Variants in GRM3 observed in about 807,000 individuals in gnomAD.
GRM3 encodes glutamate metabotropic receptor 3, also known as metabotropic glutamate receptor 3.
Under a neutral mutation model 70.5 loss-of-function variants are expected in GRM3, and 26 were observed. The observed-to-expected ratio is 0.37, with a 90% CI of 0.27 to 0.51. GRM3 has a LOEUF of 0.51. Ranked by LOEUF, GRM3 falls within the 20% of genes least tolerant of loss-of-function variation. The pLI is 0.93. For synonymous variants in GRM3, 443 were observed against 434.9 expected, an observed-to-expected ratio of 1.02 and a Z score of -0.23; for missense variants, 859 against 1,123.8, an observed-to-expected ratio of 0.76 and a Z score of 3.37.
intron 3 of GRM3, among the ~76,000 whole-genome samples, chr7:86,825,399 G>A (rs1798211758): frequency 6.6e-6 from 1 of 152,204 alleles, no homozygotes; most frequent in Non-Finnish European, 1.5e-5. Context: ...GATTTGACAA[G>A]TTCACTTGAA....
intron 3 of GRM3, among the ~76,000 whole-genome samples, chr7:86,802,516 C>T (rs894107363): frequency 6.6e-6 from 1 of 151,962 alleles, no homozygotes; most frequent in Non-Finnish European, 1.5e-5. Flanking sequence ...ACATACTTCA[C>T]TCCTTCCTCT....
intron 1 of GRM3, among the ~76,000 whole-genome samples, chr7:86,755,513 ACCAGAATAG>A (rs998788594): frequency 6.6e-6 from 1 of 152,038 alleles, no homozygotes; most frequent in African/African-American, 2.4e-5. Flanking sequence ...CAGAGAGGGG[ACCAGAATAG>A]CCAGAAAGAT....
chr7:86,845,169 T>C (rs1052025903), intron 4 of GRM3, among the ~76,000 whole-genome samples: 1 of 152,042 alleles, frequency 6.6e-6, no homozygotes, highest in African/African-American at 2.4e-5. Context: ...GGATTACTGA[T>C]GAGAGCCACT....
In GRM3 at chr7:86,839,371, G is replaced by A. The variant is rs1193121873; in HGVS notation, c.1857G>A (p.Leu619=). Residue 619 remains leucine (L), a synonymous_variant, in exon 4 of 6, where the codon TTG becomes TTA. Transcript: ENST00000361669. The surrounding 1 kb of genome is among the most constrained non-coding windows in gnomAD (Gnocchi z 4.5). The stretch of plus-strand genomic sequence containing the variant: ...GCCGAGAACTCTGCTACATCTTATT[G>A]TTTGGGGTTGGCCTGTCATACTGCA... ...ASGRELCYIL[L]FGVGLSYCMT... is the part of the protein sequence containing the mutation. The A allele has an allele frequency of 6.2e-7, 1 of 1,613,900 alleles. No homozygotes were observed. Among genetic ancestry groups the A allele is most frequent in the Non-Finnish European group, 8.5e-7 (1 of 1,179,996 alleles).
chr7:86,767,720 C>T (rs1321317373), intron 2 of GRM3, among the ~76,000 whole-genome samples: 2 of 151,752 alleles, frequency 1.3e-5, no homozygotes, highest in East Asian at 3.9e-4. Flanking sequence ...CTTAGTTTCT[C>T]CTAGTGCAAT....
chr7:86,765,705 A>G (rs549296504), intron 2 of GRM3, 92 bp downstream of exon 2: 5 of 970,368 alleles, frequency 5.2e-6, no homozygotes, highest in East Asian at 5.1e-5. Flanking sequence ...TAACGTCATC[A>G]ACGGATTATA....
At chr7:86,709,179 G>C (rs1487174811) in intron 1 of GRM3, among the ~76,000 whole-genome samples, 1 of 151,996 alleles carries the variant, frequency 6.6e-6, no homozygotes, top group Non-Finnish European at 1.5e-5. Context: ...CAGACCGTGA[G>C]TTTTTAAGCC....
At chr7:86,742,061 G>A (rs913150623) in intron 1 of GRM3, among the ~76,000 whole-genome samples, 1 of 152,154 alleles carries the variant, frequency 6.6e-6, no homozygotes, top group Non-Finnish European at 1.5e-5. Context: ...ATCATCTGGG[G>A]CAGCTCAAGA....
intron 1 of GRM3, among the ~76,000 whole-genome samples, chr7:86,649,933 C>T (rs1025572132): frequency 1.3e-5 from 2 of 152,052 alleles, no homozygotes; most frequent in Admixed American, 6.6e-5. Context: ...CTGCAAAAAT[C>T]AAACTTGAAA....
chr7:86,864,639 AAAAAAAAAAAAC>A lies in GRM3; in HGVS notation c.*296_*307del, dbSNP rs1174129761. ...TGACATGGTCAGTCTACTAAAAAAC[AAAAAAAAAAAAC>A]AAAAAAAAAAAAACAAAAGAAAAAA... On this transcript the variant is annotated 3_prime_UTR_variant, in exon 6 of 6. Transcript: ENST00000361669. The A allele has an allele frequency of 0.014, 2,554 of 179,764 alleles. 31 individuals are homozygous for A. The highest frequency in any genetic ancestry group is 0.066 in the East Asian group (544 of 8,296). 11.1% of individuals were successfully genotyped at this position (179,764 alleles called of 1,614,324 possible). A position where few individuals can be genotyped will look rare whatever the true frequency, so the allele number is the denominator to read the frequency against.
At chr7:86,685,531 C>T (rs982448912) in intron 1 of GRM3, among the ~76,000 whole-genome samples, 1 of 152,136 alleles carries the variant, frequency 6.6e-6, no homozygotes, top group East Asian at 1.9e-4. Flanking sequence ...ATGATGTCAC[C>T]TTAGTGTCAG....
chr7:86,829,580 T>C (rs1472199144), intron 3 of GRM3, among the ~76,000 whole-genome samples: 1 of 152,118 alleles, frequency 6.6e-6, no homozygotes, highest in Non-Finnish European at 1.5e-5. Context: ...ATGTAAATAT[T>C]GTTGTGTCTC....
intron 1 of GRM3, among the ~76,000 whole-genome samples, chr7:86,725,466 G>T (rs957459297): frequency 6.6e-6 from 1 of 152,086 alleles, no homozygotes; most frequent in African/African-American, 2.4e-5. Context: ...GGCGGAGGCT[G>T]CATCTTTCAT....
rs1798527623 is a variant in GRM3, at chr7:86,839,821, G to A, written c.2307G>A (p.Lys769=). The A allele has an allele frequency of 1.2e-6, 2 of 1,614,068 alleles. No individual in the cohort carries two copies. Among genetic ancestry groups the A allele is most frequent in the Middle Eastern group, 1.6e-4 (1 of 6,062 alleles). The change falls in exon 4 of 6, where the codon AAG becomes AAA. Residue 769 remains lysine, a synonymous_variant. Transcript: ENST00000361669. The surrounding 1 kb of genome is among the most constrained non-coding windows in gnomAD (Gnocchi z 4.5). The part of the protein sequence containing the change: ...RKCPENFNEA[K]FIGFTMYTTC... ...GCCCAGAAAATTTCAACGAAGCTAA[G>A]TTCATAGGTTTTACCATGTACACCA...
intron 1 of GRM3, among the ~76,000 whole-genome samples, chr7:86,672,389 G>A (rs1308684827): frequency 2.0e-5 from 3 of 152,154 alleles, no homozygotes; most frequent in African/African-American, 7.2e-5. Context: ...AGTCTATCTT[G>A]TCAGGCACAG....
chr7:86,667,117 C>A (rs981118676), intron 1 of GRM3, among the ~76,000 whole-genome samples: 3 of 152,062 alleles, frequency 2.0e-5, no homozygotes, highest in African/African-American at 4.8e-5. Flanking sequence ...TTCTCTATTG[C>A]AAATATCAAA....
At chr7:86,669,945 C>T (rs998090064) in intron 1 of GRM3, among the ~76,000 whole-genome samples, 6 of 152,178 alleles carry the variant, frequency 3.9e-5, no homozygotes, top group Non-Finnish European at 7.4e-5. Context: ...AGATCAGCAA[C>T]ACATTCCAAA....
At chr7:86,658,626 A>G (rs1793809904) in intron 1 of GRM3, among the ~76,000 whole-genome samples, 1 of 152,198 alleles carries the variant, frequency 6.6e-6, no homozygotes, top group Non-Finnish European at 1.5e-5. Context: ...ATGCCTGCTC[A>G]CTTACAGGTG....
At chr7:86,684,426 A>C (rs1288742358) in intron 1 of GRM3, among the ~76,000 whole-genome samples, 1 of 152,220 alleles carries the variant, frequency 6.6e-6, no homozygotes, top group Non-Finnish European at 1.5e-5. Context: ...AATGTAGTAA[A>C]TAAATGTCTA....
Sources: allele counts gnomAD v4.1 joint callset (sites outside exome capture counted in the v4.1 genomes callset), GRCh38; gene constraint gnomAD v4.1.1; non-coding constraint Gnocchi (gnomAD v3.1); transcripts MANE v1.5; gene names NCBI Gene and HGNC (gene_info 2026-07-23, HGNC 2026-07-21).